SLC22A31: variants seen among roughly 807,000 people sequenced by gnomAD.
SLC22A31 encodes solute carrier family 22 member 31.
A neutral mutation model predicts 27.4 loss-of-function variants in SLC22A31; 42 were observed. The ratio of observed to expected loss-of-function variants is 1.53; its 90% confidence interval spans 1.20 to 1.98. The LOEUF (loss-of-function observed/expected upper bound fraction) is 1.98. SLC22A31 is among the 30% of genes most tolerant of loss of function. SLC22A31 has a pLI of 0.00. For synonymous variants in SLC22A31, 290 were observed against 230.8 expected (o/e 1.26, Z -2.33); for missense variants, 593 against 479.9 (o/e 1.24, Z -2.20).
chr16:89,199,006 G>C lies in SLC22A31; in HGVS notation c.452+17C>G. Reference sequence around the variant, plus strand: ...AGCCCCGATGAGGGCTGCTGGCCCAGCTCCCACCACACTTACCCCCAAAAG... The same window carrying C: ...AGCCCCGATGAGGGCTGCTGGCCCACCTCCCACCACACTTACCCCCAAAAG... On this transcript the variant is annotated intron_variant, in intron 4 of 8. Transcript: ENST00000682282. The C allele has an allele frequency of 6.5e-7, 1 of 1,533,002 alleles. No homozygotes were observed. The allele number at this position is 1,533,002 out of a possible 1,614,324, so 95.0% of individuals were successfully genotyped here.
chr16:89,200,076 C>T lies in SLC22A31; in HGVS notation c.25-260G>A, dbSNP rs940266902. On this transcript the variant is annotated intron_variant, in intron 1 of 8. Transcript: ENST00000682282. ...TTTTCTGCTTGTCCCTAGATAGGGC[C>T]TCCCCCACCTCCGCACACCATTGCT... 4 of 346,390 alleles carry T rather than the reference C, an allele frequency of 1.2e-5. No individual in the cohort carries two copies. In the Admixed American group the frequency reaches 1.9e-4, roughly 17 times the overall value. The allele number at this position is 346,390 out of a possible 1,614,324, so 21.5% of individuals were successfully genotyped here. A position where few individuals can be genotyped will look rare whatever the true frequency, so the allele number is the denominator to read the frequency against.
chr16:89,196,044 CG>C lies in SLC22A31; in HGVS notation c.1295del (p.Pro432ArgfsTer36). ...GGCCGGCCCAGTAGGAGTTGGAGGG[CG>C]GCAGCAGAGGCAGGTGGTCCTGGCG... ...RPRQDHLPLL[P>X]PSNSYWAGHT... On this transcript the variant is annotated frameshift_variant, in exon 9 of 9. Transcript: ENST00000682282. LOFTEE classifies it low-confidence loss of function (END_TRUNC). The C allele has an allele frequency of 6.5e-7, 1 of 1,528,396 alleles. No homozygotes were observed. Among genetic ancestry groups the C allele is most frequent in the African/African-American group, 1.4e-5 (1 of 72,896 alleles). The allele number at this position is 1,528,396 out of a possible 1,614,324, so 94.7% of individuals were successfully genotyped here.
intron 7 of SLC22A31, among the ~76,000 whole-genome samples, chr16:89,197,821 C>T (rs1370573135): frequency 2.6e-5 from 4 of 152,230 alleles, no homozygotes; most frequent in Admixed American, 6.5e-5. Context: ...AGTCCATGGC[C>T]GGCCTCGGCC....
chr16:89,197,399 G>C lies in SLC22A31; in HGVS notation c.933C>G (p.Gly311=), dbSNP rs1231997876. The stretch of plus-strand genomic sequence containing the variant: ...GGACAGAGAGGAACAGCACAGTCCA[G>C]CCTGGCAGATCTGGGGACAAAGAAC... ...LLLAGAQYLP[G]WTVLFLSVLG... The change falls in exon 8 of 9, where the codon GGC becomes GGG. Residue 311 remains glycine (G), a synonymous_variant. Transcript: ENST00000682282. 2 of 1,535,508 alleles carry C rather than the reference G, an allele frequency of 1.3e-6. No individual in the cohort carries two copies. The highest frequency in any genetic ancestry group is 1.7e-6 in the Non-Finnish European group (2 of 1,146,614).
At chr16:89,200,231 A>T (rs547394662) in intron 1 of SLC22A31, 1 of 161,072 alleles carries the variant, frequency 6.2e-6, no homozygotes, top group East Asian at 1.8e-4. Flanking sequence ...CATAGCCATG[A>T]CACAGGCCTA....
chr16:89,198,605 C>A (rs905545477), intron 5 of SLC22A31, 47 bp downstream of exon 5: 3 of 1,524,900 alleles, frequency 2.0e-6, no homozygotes, highest in African/African-American at 1.4e-5. Flanking sequence ...CTCTCCGAAG[C>A]CCTCCTCCAG....
intron 7 of SLC22A31, among the ~76,000 whole-genome samples, 151 bp from the exon 8 acceptor site, chr16:89,197,560 C>T (rs1351989100): frequency 6.6e-6 from 1 of 152,160 alleles, no homozygotes; most frequent in African/African-American, 2.4e-5. Context: ...GGAGGGGGAA[C>T]CTGTCCTCTG....
At chr16:89,197,488 AC>A in intron 7 of SLC22A31, 79 bp from the exon 8 acceptor site, 2 of 1,003,244 alleles carry the variant, frequency 2.0e-6, no homozygotes, top group Admixed American at 4.6e-5. Flanking sequence ...TCCCCAGAGA[AC>A]CACACCACTG....
At position 89,195,806 on chromosome 16, in the gene SLC22A31, G is replaced by A. The variant is rs2151606994; in HGVS notation, c.*193C>T. 1 of 566,966 alleles carries A rather than the reference G, an allele frequency of 1.8e-6. No individual in the cohort carries two copies. Among genetic ancestry groups the A allele is most frequent in the East Asian group, 3.1e-5 (1 of 31,878 alleles). 35.1% of individuals were successfully genotyped at this position (566,966 alleles called of 1,614,324 possible). A position where few individuals can be genotyped will look rare whatever the true frequency, so the allele number is the denominator to read the frequency against. On this transcript the variant is annotated 3_prime_UTR_variant, in exon 9 of 9. Transcript: ENST00000682282. ...TCCACACCTACTGGGTGTGGCTGGG[G>A]GGAGACCCAGGGCCTCCCAGTGCCT...
rs796128251 is a variant in SLC22A31 at position 89,198,186 on chromosome 16, G to A, written c.858C>T (p.Pro286=). 1.1e-5 allele frequency: 17 copies of A among 1,535,588 alleles called. No individual in the cohort carries two copies. Among genetic ancestry groups the A allele is most frequent in the Middle Eastern group, 1.7e-4 (1 of 5,774 alleles). ...TGACCATGGTGCCCAGCAGCAGCACGGGGCGGCGTCCACAGCAATCTGCCG... is the reference window on the plus strand; with the variant it reads ...TGACCATGGTGCCCAGCAGCAGCACAGGGCGGCGTCCACAGCAATCTGCCG... ...LLTADCCGRR[P]VLLLGTMVTG... Residue 286 remains proline (P), a synonymous_variant, in exon 7 of 9, where the codon CCC becomes CCT. Coordinates refer to ENST00000682282, the MANE Select transcript of SLC22A31 (RefSeq NM_001384763.1).
chr16:89,198,573 G>A (rs1387868787), intron 5 of SLC22A31, 23 bp from the exon 6 acceptor site: 4 of 1,513,254 alleles, frequency 2.6e-6, no homozygotes, highest in East Asian at 2.5e-5. Flanking sequence ...AGATGTGAGG[G>A]GAGGGGGGTG....
chr16:89,199,584 G>C lies in SLC22A31; in HGVS notation c.129-17C>G. 1 of 437,212 alleles carries C rather than the reference G, an allele frequency of 2.3e-6. No individual in the cohort carries two copies. The allele number at this position is 437,212 out of a possible 1,614,324, so 27.1% of individuals were successfully genotyped here. ...CGTCCAAACCTGGTGGGCAGCGGGGGACATGCTTGGACAGGGTCAGGATAA... is the reference window on the plus strand; with the variant it reads ...CGTCCAAACCTGGTGGGCAGCGGGGCACATGCTTGGACAGGGTCAGGATAA... On this transcript the variant is annotated splice_polypyrimidine_tract_variant and intron_variant, in intron 2 of 8. Transcript: ENST00000682282.
At chr16:89,197,539 C>T (rs753779982) in intron 7 of SLC22A31, 130 bp from the exon 8 acceptor site, 2 of 633,780 alleles carry the variant, frequency 3.2e-6, no homozygotes, top group Admixed American at 2.8e-5. Flanking sequence ...TCCAGCCCCC[C>T]TGAGAAACCT....
intron 8 of SLC22A31, 56 bp downstream of exon 8, chr16:89,197,242 C>T (rs1397688194): frequency 3.6e-6 from 5 of 1,392,698 alleles, no homozygotes; most frequent in South Asian, 2.5e-5. Context: ...CCTGGCCCCT[C>T]CTCCCCATGA....
intron 8 of SLC22A31, 197 bp from the exon 9 acceptor site, chr16:89,196,502 G>GTCCCCCAATCT: frequency 1.0e-6 from 1 of 1,002,010 alleles, no homozygotes; most frequent in Non-Finnish European, 1.4e-6. Flanking sequence ...CAGCTGGTGG[G>GTCCCCCAATCT]GCAACAGATT....
At position 89,200,507 on chromosome 16, in the gene SLC22A31, G is replaced by T. The variant is rs1916480325; in HGVS notation, c.-6C>A. Among the ~76,000 whole-genome samples the T allele has an allele frequency of 6.6e-6, 1 of 152,192 alleles. No individual in the cohort carries two copies. Among genetic ancestry groups the T allele is most frequent in the South Asian group, 2.1e-4 (1 of 4,834 alleles). On this transcript the variant is annotated 5_prime_UTR_variant, in exon 1 of 9. Transcript: ENST00000682282. The stretch of plus-strand genomic sequence containing the variant: ...TGGGAAAGCTGATGGGGCATTCCTG[G>T]ATCCAGGCACCAAACAGGAGGAGGG...
intron 7 of SLC22A31, 132 bp downstream of exon 7, chr16:89,197,990 G>A (rs1597319593): frequency 2.0e-6 from 2 of 988,308 alleles, no homozygotes; most frequent in East Asian, 5.2e-5. Flanking sequence ...AGGATCAGAG[G>A]AAAACAAACA....
intron 8 of SLC22A31, among the ~76,000 whole-genome samples, chr16:89,196,630 C>T (rs1458891648): frequency 6.6e-6 from 1 of 152,246 alleles, no homozygotes; most frequent in Admixed American, 6.5e-5. Flanking sequence ...CCTTCCTCTC[C>T]TGGAGCACTT....
chr16:89,196,020 G>C lies in SLC22A31; in HGVS notation c.1320C>G (p.Gly440=). 1 of 1,517,506 alleles carries C rather than the reference G, an allele frequency of 6.6e-7. No individual in the cohort carries two copies. The highest frequency in any genetic ancestry group is 1.4e-5 in the African/African-American group (1 of 72,734). 94.0% of individuals were successfully genotyped at this position (1,517,506 alleles called of 1,614,324 possible). ...AGGACTAGTGCTGCTCGGGGGTGTG[G>C]CCGGCCCAGTAGGAGTTGGAGGGCG... ...LLPPSNSYWA[G]HTPEQH Residue 440 remains glycine (G), a synonymous_variant, in exon 9 of 9, where the codon GGC becomes GGG. Transcript: ENST00000682282.
Sources: allele counts gnomAD v4.1 joint callset (sites outside exome capture counted in the v4.1 genomes callset), GRCh38; gene constraint gnomAD v4.1.1; transcripts MANE v1.5; gene names NCBI Gene and HGNC (gene_info 2026-07-23, HGNC 2026-07-21).